GRIK4: variants seen among roughly 807,000 people sequenced by gnomAD.
GRIK4 encodes the protein glutamate ionotropic receptor kainate type subunit 4, also known as glutamate receptor ionotropic, kainate 4.
GRIK4 carries 40 observed loss-of-function variants against 104.9 expected under a neutral mutation model. That is an observed-to-expected ratio of 0.38 (90% CI 0.30 to 0.50). The LOEUF is 0.50. GRIK4 is among the 20% of genes least tolerant of loss of function. The probability of loss-of-function intolerance (pLI) is 0.93; values close to 1 mark genes in which losing one functional copy is unlikely to be tolerated. For synonymous variants in GRIK4, 485 were observed against 524.9 expected, an observed-to-expected ratio of 0.92 and a Z score of 1.04; for missense variants, 1,047 against 1,308.1, an observed-to-expected ratio of 0.80 and a Z score of 3.08.
chr11:120,948,091 A>G (rs1003712923), intron 14 of GRIK4, among the ~76,000 whole-genome samples: 1 of 152,168 alleles, frequency 6.6e-6, no homozygotes, highest in Non-Finnish European at 1.5e-5. Context: ...ACACTGAGGG[A>G]AGCCATCCAT....
At position 120,986,316 on chromosome 11, in the gene GRIK4, G is replaced by A. The variant is rs1381030518; in HGVS notation, c.*56G>A. 8 of 1,421,414 alleles carry A rather than the reference G, an allele frequency of 5.6e-6. No homozygotes were observed. The highest frequency in any genetic ancestry group is 6.4e-6 in the Non-Finnish European group (7 of 1,093,522). The allele number at this position is 1,421,414 out of a possible 1,614,324, so 88.1% of individuals were successfully genotyped here. ...GGCGGGGCGGGAGGGGAGGGGCGGGGCGGGCGCTGCTGTCAGCCGCCAGCC... is the reference window on the plus strand; with the variant it reads ...GGCGGGGCGGGAGGGGAGGGGCGGGACGGGCGCTGCTGTCAGCCGCCAGCC... On this transcript the variant is annotated 3_prime_UTR_variant, in exon 21 of 21. Coordinates refer to ENST00000527524, the MANE Select transcript of GRIK4 (RefSeq NM_014619.5).
At position 120,513,582 on chromosome 11, in the gene GRIK4, G is replaced by A. The variant is rs1243462405; in HGVS notation, c.-159+1695G>A. 1.3e-5 allele frequency among the ~76,000 whole-genome samples: 2 copies of A among 152,196 alleles called. No individual in the cohort carries two copies. The highest frequency in any genetic ancestry group is 2.9e-5 in the Non-Finnish European group (2 of 68,036). On this transcript the variant is annotated intron_variant, in intron 1 of 20. Transcript: ENST00000527524. The surrounding 1 kb of genome is among the most constrained non-coding windows in gnomAD (Gnocchi z 4.5). ...GGCCAGATGTGTTCCTCAAGGTCAC[G>A]ACCCTTCGGAGAGTTAATCTAATAT...
chr11:120,562,860 G>A (rs946659651), intron 1 of GRIK4, among the ~76,000 whole-genome samples: 8 of 152,208 alleles, frequency 5.3e-5, no homozygotes, highest in Non-Finnish European at 1.0e-4. Flanking sequence ...GGGGGGTATC[G>A]TGTGGAAAAG....
At chr11:120,812,716 A>G (rs957371280) in intron 4 of GRIK4, among the ~76,000 whole-genome samples, 9 of 152,228 alleles carry the variant, frequency 5.9e-5, no homozygotes, top group Non-Finnish European at 1.2e-4. Context: ...AAGCTCTTAC[A>G]GAACTGAGTG....
intron 12 of GRIK4, among the ~76,000 whole-genome samples, chr11:120,899,265 A>G (rs1011436242): frequency 2.6e-5 from 4 of 151,984 alleles, no homozygotes; most frequent in Non-Finnish European, 4.4e-5. Context: ...AAAAAAAAAT[A>G]GAAAAATTAG....
intron 3 of GRIK4, among the ~76,000 whole-genome samples, chr11:120,797,566 T>C (rs946684365): frequency 2.0e-5 from 3 of 152,220 alleles, no homozygotes; most frequent in African/African-American, 7.2e-5. Context: ...CTCTAGAGTC[T>C]GGGTACCTGT....
intron 1 of GRIK4, among the ~76,000 whole-genome samples, chr11:120,617,190 A>G (rs17124081): frequency 0.037 from 5,689 of 152,230 alleles, 302 homozygotes; most frequent in African/African-American, 0.12. Flanking sequence ...TACGGTTAAG[A>G]ACCGCAGTCA....
intron 17 of GRIK4, 65 bp downstream of exon 17, chr11:120,961,139 T>C (rs936749022): frequency 1.4e-6 from 2 of 1,425,570 alleles, no homozygotes; most frequent in Non-Finnish European, 2.0e-6. Context: ...GATGTTTCTC[T>C]GCTGGAGATA....
intron 3 of GRIK4, among the ~76,000 whole-genome samples, chr11:120,761,513 A>G (rs1951749022): frequency 6.6e-6 from 1 of 152,074 alleles, no homozygotes; most frequent in African/African-American, 2.4e-5. Context: ...TTAGTCATGA[A>G]ATCTTTGCCC....
intron 5 of GRIK4, among the ~76,000 whole-genome samples, chr11:120,815,854 G>A (rs58078413): frequency 0.01 from 1,529 of 152,258 alleles, 24 homozygotes; most frequent in African/African-American, 0.035. Flanking sequence ...GCAGCTCCCT[G>A]GTTATCTGTT....
intron 1 of GRIK4, among the ~76,000 whole-genome samples, chr11:120,589,188 G>A (rs189129236): frequency 2.0e-5 from 3 of 152,140 alleles, no homozygotes; most frequent in African/African-American, 7.2e-5. Flanking sequence ...CTTGTAATAG[G>A]CTCAAGAATT....
At chr11:120,928,072 G>T (rs920034362) in intron 13 of GRIK4, among the ~76,000 whole-genome samples, 1 of 151,816 alleles carries the variant, frequency 6.6e-6, no homozygotes, top group Non-Finnish European at 1.5e-5. Context: ...AAAATTAGCC[G>T]GGCATGGTGG....
intron 20 of GRIK4, among the ~76,000 whole-genome samples, chr11:120,982,715 T>C (rs1022282883): frequency 2.6e-5 from 4 of 151,836 alleles, no homozygotes; most frequent in African/African-American, 4.8e-5. Flanking sequence ...GGAAGATATA[T>C]AAATCCTTAC....
At chr11:120,709,596 A>C (rs1323275572) in intron 3 of GRIK4, among the ~76,000 whole-genome samples, 1 of 152,178 alleles carries the variant, frequency 6.6e-6, no homozygotes. Context: ...CTGGTTTTGC[A>C]ATGTGGGATT....
chr11:120,904,302 G>GCCA (rs1402107620), intron 12 of GRIK4, among the ~76,000 whole-genome samples: 1 of 152,102 alleles, frequency 6.6e-6, no homozygotes, highest in Non-Finnish European at 1.5e-5. Context: ...AGGCATTCGA[G>GCCA]CCCATCATGA....
intron 1 of GRIK4, among the ~76,000 whole-genome samples, chr11:120,606,161 A>G (rs773051484): frequency 6.6e-6 from 1 of 152,110 alleles, no homozygotes; most frequent in African/African-American, 2.4e-5. Context: ...TCGCATTTTG[A>G]TATGTTTTGA....
Position 120,858,669 on chromosome 11 carries a change from G to A in GRIK4, c.745-3290G>A, listed in dbSNP as rs533548460. ...GGAACCTTGTCTTCATGAAATTTCT[G>A]TTGGTGTCACCTGGAAACCTAATGC... On this transcript the variant is annotated intron_variant, in intron 8 of 20. Coordinates refer to ENST00000527524, the MANE Select transcript of GRIK4 (RefSeq NM_014619.5). 2.0e-5 allele frequency among the ~76,000 whole-genome samples: 3 copies of A among 152,270 alleles called. No individual in the cohort carries two copies. In the South Asian group the frequency reaches 6.2e-4, roughly 32 times the overall value.
chr11:120,531,214 C>T (rs915907371), intron 1 of GRIK4, among the ~76,000 whole-genome samples: 3 of 152,210 alleles, frequency 2.0e-5, no homozygotes, highest in Admixed American at 6.5e-5. Context: ...GTAAATGCTA[C>T]CCTACAACCT....
chr11:120,963,360 A>T (rs1226995896), intron 18 of GRIK4, among the ~76,000 whole-genome samples: 1 of 152,160 alleles, frequency 6.6e-6, no homozygotes, highest in African/African-American at 2.4e-5. Flanking sequence ...GGACATTCAC[A>T]CTTTGGACTT....
Sources: allele counts gnomAD v4.1 joint callset (sites outside exome capture counted in the v4.1 genomes callset), GRCh38; gene constraint gnomAD v4.1.1; non-coding constraint Gnocchi (gnomAD v3.1); transcripts MANE v1.5; gene names NCBI Gene and HGNC (gene_info 2026-07-23, HGNC 2026-07-21).